The following DYNLL1 variants were observed in gnomAD, a reference collection of about 807,000 sequenced individuals.
DYNLL1 encodes dynein light chain 1, cytoplasmic.
Under a neutral mutation model 10.1 loss-of-function variants are expected in DYNLL1, and 3 were observed. The observed-to-expected ratio is 0.30, with a 90% confidence interval of 0.14 to 0.77. The LOEUF (loss-of-function observed/expected upper bound fraction) is 0.77, where lower values mean the gene tolerates loss of function less well. Ranked by LOEUF, DYNLL1 falls within the 30% of genes least tolerant of loss-of-function variation. The probability of loss-of-function intolerance (pLI) is 0.66; values close to 1 mark genes in which losing one functional copy is unlikely to be tolerated. For missense variants in DYNLL1, 47 were observed against 111.7 expected (o/e 0.42, Z 2.61); for synonymous variants, 46 against 41.2 (o/e 1.12, Z -0.45).
intron 1 of DYNLL1, among the ~76,000 whole-genome samples, chr12:120,487,615 T>C (rs543033238): frequency 8.3e-4 from 127 of 152,234 alleles, no homozygotes; most frequent in African/African-American, 3.0e-3. Flanking sequence ...AGCACTTGAC[T>C]TCTATACACA....
At chr12:120,493,127 A>T (rs1879175597), upstream of DYNLL1, among the ~76,000 whole-genome samples, 1 of 152,166 alleles carries the variant, frequency 6.6e-6, no homozygotes, top group South Asian at 2.1e-4. Context: ...GATCAGTTTA[A>T]CAATGCAAAA....
intron 1 of DYNLL1, among the ~76,000 whole-genome samples, chr12:120,478,095 AG>A (rs1034482496): frequency 2.1e-5 from 3 of 143,854 alleles, no homozygotes; most frequent in Non-Finnish European, 3.0e-5. Context: ...CCCGGCCAAA[AG>A]TTTTTTTTTT....
At chr12:120,487,477 T>C (rs1482717737) in intron 1 of DYNLL1, among the ~76,000 whole-genome samples, 2 of 151,904 alleles carry the variant, frequency 1.3e-5, no homozygotes, top group South Asian at 4.2e-4. Flanking sequence ...TGTTTTTGTA[T>C]TTTTAGTAGA....
intron 1 of DYNLL1, among the ~76,000 whole-genome samples, chr12:120,489,916 T>G (rs1039760242): frequency 4.6e-5 from 7 of 152,098 alleles, no homozygotes; most frequent in African/African-American, 1.7e-4. Flanking sequence ...CCCAGCTAAT[T>G]TTTTGTATTT....
chr12:120,483,382 A>C (rs1878927847), intron 1 of DYNLL1, among the ~76,000 whole-genome samples: 1 of 151,970 alleles, frequency 6.6e-6, no homozygotes, highest in African/African-American at 2.4e-5. Context: ...GTGGTGAGAT[A>C]TATTTTCAAG....
chr12:120,479,401 C>T (rs1402436256), intron 1 of DYNLL1, among the ~76,000 whole-genome samples: 1 of 132,668 alleles, frequency 7.5e-6, no homozygotes, highest in African/African-American at 2.8e-5. Context: ...TTGTGGTCAG[C>T]TGAGATCACA....
intron 1 of DYNLL1, among the ~76,000 whole-genome samples, chr12:120,472,065 A>T (rs1878663085): frequency 6.6e-6 from 1 of 152,240 alleles, no homozygotes; most frequent in Non-Finnish European, 1.5e-5. Context: ...CACAATTATT[A>T]AGTCATGTTT....
intron 1 of DYNLL1, among the ~76,000 whole-genome samples, chr12:120,486,215 C>G (rs1878990872): frequency 6.6e-6 from 1 of 152,120 alleles, no homozygotes; most frequent in African/African-American, 2.4e-5. Flanking sequence ...AAAATGGTCA[C>G]AGAGAAAAGA....
At chr12:120,480,620 C>T (rs1033253041) in intron 1 of DYNLL1, among the ~76,000 whole-genome samples, 4 of 152,202 alleles carry the variant, frequency 2.6e-5, no homozygotes, top group African/African-American at 9.7e-5. Context: ...TTTGCCTGGC[C>T]AAGGCCTCCT....
At chr12:120,470,450 G>A (rs558452642) in intron 1 of DYNLL1, among the ~76,000 whole-genome samples, 28 of 152,144 alleles carry the variant, frequency 1.8e-4, no homozygotes, top group Non-Finnish European at 3.4e-4. Flanking sequence ...ACCTTACAGT[G>A]AGGCCTTGCA....
intron 1 of DYNLL1, among the ~76,000 whole-genome samples, chr12:120,476,894 G>A (rs909468287): frequency 2.0e-5 from 3 of 151,526 alleles, no homozygotes; most frequent in African/African-American, 7.3e-5. Context: ...TTACAGGCAT[G>A]AGCCACCGCG....
intron 1 of DYNLL1, among the ~76,000 whole-genome samples, chr12:120,485,461 G>C (rs1878973039): frequency 6.6e-6 from 1 of 151,578 alleles, no homozygotes; most frequent in African/African-American, 2.4e-5. Flanking sequence ...TTAACATCTT[G>C]GCCAGGCTGG....
intron 1 of DYNLL1, among the ~76,000 whole-genome samples, chr12:120,474,796 G>A (rs1048335608): frequency 2.0e-5 from 3 of 152,308 alleles, no homozygotes; most frequent in Admixed American, 2.0e-4. Context: ...GACCATCTGA[G>A]AAGATGAGGA....
At chr12:120,479,112 C>T (rs1056453004) in intron 1 of DYNLL1, among the ~76,000 whole-genome samples, 2 of 141,654 alleles carry the variant, frequency 1.4e-5, no homozygotes, top group Non-Finnish European at 1.5e-5. Context: ...TGCAGCGAGT[C>T]GAGAACACAC....
At chr12:120,498,041 A>T in intron 2 of DYNLL1, 32 bp from the exon 3 acceptor site, 7 of 1,606,442 alleles carry the variant, frequency 4.4e-6, no homozygotes, top group Non-Finnish European at 6.0e-6. Context: ...CTGGTAATTA[A>T]AATCCTAGTT....
At chr12:120,493,551 A>C (rs930448744), upstream of DYNLL1, among the ~76,000 whole-genome samples, 2 of 151,772 alleles carry the variant, frequency 1.3e-5, no homozygotes, top group African/African-American at 2.4e-5. Context: ...TATTTAAAAA[A>C]TAAAGGGAGT....
At chr12:120,496,741 G>GTTT (rs35017041) in intron 2 of DYNLL1, 188 bp downstream of exon 2, 270 of 581,660 alleles carry the variant, frequency 4.6e-4, no homozygotes, top group Non-Finnish European at 5.5e-4. Flanking sequence ...GGCGTCCGAA[G>GTTT]TTTTTTTTTT....
chr12:120,477,418 G>T lies in DYNLL1; in HGVS notation c.-7+7314G>T, dbSNP rs114475190. 9.1e-3 allele frequency among the ~76,000 whole-genome samples: 1,380 copies of T among 152,040 alleles called. 20 individuals carry two copies. Among genetic ancestry groups the T allele is most frequent in the African/African-American group, 0.032 (1,327 of 41,444 alleles). On this transcript the variant is annotated intron_variant, in intron 1 of 2. Coordinates refer to the DYNLL1 transcript ENST00000392509. ...GGCTCTGTGCTGGGCACTGGTGCTC[G>T]GGATACAACAGTAAGACTCAACCCT...
At chr12:120,481,139 C>T (rs539155395) in intron 1 of DYNLL1, among the ~76,000 whole-genome samples, 16 of 152,262 alleles carry the variant, frequency 1.1e-4, no homozygotes, top group Non-Finnish European at 1.9e-4. Context: ...TAACACTGTG[C>T]TAATACCAGT....
Sources: allele counts gnomAD v4.1 joint callset (sites outside exome capture counted in the v4.1 genomes callset), GRCh38; gene constraint gnomAD v4.1.1; transcripts MANE v1.5; gene names NCBI Gene and HGNC (gene_info 2026-07-23, HGNC 2026-07-21).